DGKH: variants seen among roughly 807,000 people sequenced by gnomAD.
DGKH encodes the protein DAG kinase eta.
DGKH carries 90 observed loss-of-function variants against 159.3 expected under a neutral mutation model. That is an observed-to-expected ratio of 0.57 (90% CI 0.48 to 0.67). The LOEUF is 0.67. Ranked by LOEUF, DGKH falls within the 30% of genes least tolerant of loss-of-function variation. DGKH has a pLI of 0.00. For synonymous variants in DGKH, 536 were observed against 553.8 expected (o/e 0.97, Z 0.45); for missense variants, 1,181 against 1,506.1 (o/e 0.78, Z 3.57).
At chr13:42,096,560 A>T (rs937987133) in intron 1 of DGKH, among the ~76,000 whole-genome samples, 4 of 152,204 alleles carry the variant, frequency 2.6e-5, no homozygotes, top group African/African-American at 9.6e-5. Flanking sequence ...TTCAAATTTA[A>T]TTCAGATCCC....
chr13:42,070,776 A>C lies in DGKH; in HGVS notation c.192+21811A>C. ...AGTCTGTCTTCATGTACTCCTGAAC[A>C]ATGTAAACACTGTTTAGTTCCGTAA... On this transcript the variant is annotated intron_variant, in intron 1 of 29. Coordinates refer to ENST00000337343, the MANE Select transcript of DGKH (RefSeq NM_178009.5). The C allele has an allele frequency of 1.9e-6, 3 of 1,558,840 alleles. No individual in the cohort carries two copies. In the South Asian group the frequency reaches 3.5e-5, roughly 18 times the overall value.
chr13:42,137,382 A>C, intron 3 of DGKH, among the ~76,000 whole-genome samples: 1 of 152,210 alleles, frequency 6.6e-6, no homozygotes, highest in Middle Eastern at 3.2e-3. Flanking sequence ...TAACTCATTC[A>C]ATTCTTTATA....
intron 1 of DGKH, among the ~76,000 whole-genome samples, chr13:42,107,062 G>T (rs1246327088): frequency 6.6e-6 from 1 of 152,130 alleles, no homozygotes; most frequent in Non-Finnish European, 1.5e-5. Flanking sequence ...AGAGAGAAAA[G>T]ATAATTTTGT....
At chr13:42,191,173 ATTGCCTAAGGGAAAAGT>A in intron 16 of DGKH, among the ~76,000 whole-genome samples, 1 of 152,350 alleles carries the variant, frequency 6.6e-6, no homozygotes. Flanking sequence ...AATATTGTAT[ATTGCCTAAGGGAAAAGT>A]TTCTAACGTA....
rs938009161 is a variant in DGKH at position 42,232,010 on chromosome 13, A to G, written c.*2822A>G. Reference sequence around the variant, plus strand: ...GCAGGGCCCAAATGACTTCACTGACACCTGTTTCCAGGAGGGGGTCTTCAG... The same window carrying G: ...GCAGGGCCCAAATGACTTCACTGACGCCTGTTTCCAGGAGGGGGTCTTCAG... On this transcript the variant is annotated 3_prime_UTR_variant, in exon 30 of 30. Coordinates refer to ENST00000337343, the MANE Select transcript of DGKH (RefSeq NM_178009.5). The G allele has an allele frequency of 1.3e-5, 2 of 152,170 alleles. No homozygotes were observed. The highest frequency in any genetic ancestry group is 6.6e-5 in the Admixed American group (1 of 15,266). 9.4% of individuals were successfully genotyped at this position (152,170 alleles called of 1,614,324 possible). A position where few individuals can be genotyped will look rare whatever the true frequency, so the allele number is the denominator to read the frequency against.
chr13:42,108,749 T>C (rs1954807885), intron 1 of DGKH, among the ~76,000 whole-genome samples: 1 of 152,056 alleles, frequency 6.6e-6, no homozygotes, highest in Non-Finnish European at 1.5e-5. Context: ...TGGGAAGAAG[T>C]TCATTCAGAG....
At chr13:42,144,551 G>A (rs1245957833) in intron 3 of DGKH, among the ~76,000 whole-genome samples, 3 of 152,000 alleles carry the variant, frequency 2.0e-5, no homozygotes, top group Non-Finnish European at 4.4e-5. Context: ...GCAGGGCATG[G>A]TGGCGCGTGC....
intron 1 of DGKH, among the ~76,000 whole-genome samples, chr13:42,118,660 G>C (rs904113315): frequency 1.3e-5 from 2 of 152,218 alleles, no homozygotes; most frequent in Non-Finnish European, 2.9e-5. Context: ...GATGAATGTT[G>C]AGATGAATAG....
At chr13:42,084,185 T>G (rs942708840) in intron 1 of DGKH, among the ~76,000 whole-genome samples, 1 of 152,228 alleles carries the variant, frequency 6.6e-6, no homozygotes, top group African/African-American at 2.4e-5. Flanking sequence ...TACATATATG[T>G]CTTGCATCAT....
chr13:42,166,009 G>A (rs1334810464), intron 8 of DGKH, among the ~76,000 whole-genome samples: 1 of 152,036 alleles, frequency 6.6e-6, no homozygotes, highest in Non-Finnish European at 1.5e-5. Context: ...AGCAACTGTG[G>A]ATTTTGATAT....
intron 1 of DGKH, among the ~76,000 whole-genome samples, chr13:42,049,606 C>T (rs1430609629): frequency 1.3e-5 from 2 of 152,232 alleles, no homozygotes; most frequent in Non-Finnish European, 2.9e-5. Context: ...GGCTTAACCG[C>T]ACCCTGCATG....
At chr13:42,223,473 T>C (rs1443381417) in intron 29 of DGKH, among the ~76,000 whole-genome samples, 1 of 152,140 alleles carries the variant, frequency 6.6e-6, no homozygotes, top group Non-Finnish European at 1.5e-5. Flanking sequence ...CAAAAATATA[T>C]GGGTACAGCT....
chr13:42,211,602 G>A (rs1465203666), intron 24 of DGKH, among the ~76,000 whole-genome samples: 1 of 152,140 alleles, frequency 6.6e-6, no homozygotes, highest in East Asian at 1.9e-4. Context: ...GGAGGCTGAG[G>A]CAGGAGAATC....
At chr13:42,057,254 G>A (rs915461547) in intron 1 of DGKH, among the ~76,000 whole-genome samples, 4 of 152,028 alleles carry the variant, frequency 2.6e-5, no homozygotes, top group Non-Finnish European at 5.9e-5. Flanking sequence ...TTTCCACATG[G>A]CCTATTAAAA....
intron 1 of DGKH, among the ~76,000 whole-genome samples, chr13:42,042,998 G>T (rs1880600882): frequency 6.6e-6 from 1 of 152,168 alleles, no homozygotes; most frequent in African/African-American, 2.4e-5. Context: ...GGCATTTGGA[G>T]CAAGGGGAAA....
At chr13:42,062,423 T>C (rs983374144) in intron 1 of DGKH, among the ~76,000 whole-genome samples, 2 of 151,870 alleles carry the variant, frequency 1.3e-5, no homozygotes, top group African/African-American at 2.4e-5. Context: ...ATATATAGAG[T>C]GAGGTGTCTT....
At chr13:42,179,055 T>C (rs1956678457) in intron 13 of DGKH, among the ~76,000 whole-genome samples, 1 of 152,190 alleles carries the variant, frequency 6.6e-6, no homozygotes, top group Admixed American at 6.5e-5. Context: ...ACAAATTTGC[T>C]TGTGAAAAAA....
chr13:42,105,505 G>C (rs1475436007), intron 1 of DGKH, among the ~76,000 whole-genome samples: 2 of 152,104 alleles, frequency 1.3e-5, no homozygotes, highest in African/African-American at 4.8e-5. Flanking sequence ...TTTTTTAAAA[G>C]GCATCCTTTT....
rs1958605398 is a variant in DGKH, at chr13:42,249,526, G to A, written n.4055-2883G>A. ...AAGGTCAGCAAACTTTTTACGTAAA[G>A]GGCCAGATAGTAATATTTTCAGCTT... On this transcript the variant is annotated intron_variant and non_coding_transcript_variant, in intron 29 of 30. Transcript: ENST00000498255. Among the ~76,000 whole-genome samples, 3 of 152,170 alleles carry A rather than the reference G, an allele frequency of 2.0e-5. No individual in the cohort carries two copies. In the South Asian group the frequency reaches 6.2e-4, roughly 32 times the overall value.
Sources: allele counts gnomAD v4.1 joint callset (sites outside exome capture counted in the v4.1 genomes callset), GRCh38; gene constraint gnomAD v4.1.1; transcripts MANE v1.5; gene names NCBI Gene and HGNC (gene_info 2026-07-23, HGNC 2026-07-21).